FRMD4A: variants seen among roughly 807,000 people sequenced by gnomAD.
FRMD4A encodes the protein FERM domain-containing protein 4A.
In FRMD4A, 29 loss-of-function variants were observed where a neutral mutation model predicts 129.1. The observed-to-expected ratio is 0.22, with a 90% confidence interval of 0.17 to 0.31. FRMD4A has a LOEUF of 0.31. FRMD4A is among the 10% of genes least tolerant of loss of function. The probability of loss-of-function intolerance (pLI) is 1.00; values close to 1 mark genes in which losing one functional copy is unlikely to be tolerated. For missense variants in FRMD4A, 1,272 were observed against 1,375.8 expected, an observed-to-expected ratio of 0.92 and a Z score of 1.19; for synonymous variants, 634 against 571.6, an observed-to-expected ratio of 1.11 and a Z score of -1.56.
chr10:14,076,867 G>A (rs1341640774), intron 2 of FRMD4A, among the ~76,000 whole-genome samples: 3 of 152,194 alleles, frequency 2.0e-5, no homozygotes, highest in African/African-American at 7.2e-5. Flanking sequence ...CATGAGATGT[G>A]GTCCTTGTCC....
At chr10:14,188,297 G>A (rs1842210327) in intron 2 of FRMD4A, among the ~76,000 whole-genome samples, 1 of 152,122 alleles carries the variant, frequency 6.6e-6, no homozygotes, top group Non-Finnish European at 1.5e-5. Context: ...TCTTTGTGTG[G>A]TTTGGTTGCT....
At chr10:13,761,585 C>A (rs954820836) in intron 8 of FRMD4A, 62 bp downstream of exon 8, 11 of 1,198,176 alleles carry the variant, frequency 9.2e-6, no homozygotes, top group Non-Finnish European at 1.2e-5. Context: ...TGATTAGTTT[C>A]TTTTAATAGA....
chr10:14,219,887 G>C (rs779312370), intron 2 of FRMD4A, among the ~76,000 whole-genome samples: 1 of 152,154 alleles, frequency 6.6e-6, no homozygotes, highest in Non-Finnish European at 1.5e-5. Flanking sequence ...CTGAAACCCT[G>C]AACTACTTGC....
chr10:13,989,442 G>T (rs901414036), intron 2 of FRMD4A, among the ~76,000 whole-genome samples: 2 of 151,960 alleles, frequency 1.3e-5, no homozygotes, highest in Non-Finnish European at 2.9e-5. Flanking sequence ...TGCAACTTCC[G>T]CCTCCCGGGT....
intron 8 of FRMD4A, among the ~76,000 whole-genome samples, chr10:13,753,519 T>C (rs570567737): frequency 1.3e-5 from 2 of 151,858 alleles, no homozygotes; most frequent in South Asian, 4.2e-4. Flanking sequence ...TGCAAACACA[T>C]TGATGAAATA....
intron 2 of FRMD4A, among the ~76,000 whole-genome samples, chr10:14,073,368 C>T (rs1336077718): frequency 1.3e-5 from 2 of 152,080 alleles, no homozygotes; most frequent in Admixed American, 6.5e-5. Flanking sequence ...TGTTCTAGGT[C>T]ATGAAGAATT....
chr10:13,831,414 A>C (rs1317854604), intron 3 of FRMD4A, among the ~76,000 whole-genome samples: 1 of 152,150 alleles, frequency 6.6e-6, no homozygotes, highest in African/African-American at 2.4e-5. Flanking sequence ...GCACCACTGC[A>C]CTCTACCCTA....
chr10:14,322,741 G>A (rs1416189845), intron 2 of FRMD4A, among the ~76,000 whole-genome samples: 1 of 152,184 alleles, frequency 6.6e-6, no homozygotes, highest in Non-Finnish European at 1.5e-5. Context: ...TCTTGGTAGA[G>A]CATGTTTCCG....
At chr10:14,193,968 T>C (rs989417949) in intron 2 of FRMD4A, among the ~76,000 whole-genome samples, 1 of 152,204 alleles carries the variant, frequency 6.6e-6, no homozygotes, top group African/African-American at 2.4e-5. Context: ...GAAATTCCCT[T>C]TCTTTTTTAA....
intron 2 of FRMD4A, among the ~76,000 whole-genome samples, chr10:13,939,697 A>G (rs1328825183): frequency 1.3e-5 from 2 of 152,230 alleles, no homozygotes; most frequent in Non-Finnish European, 1.5e-5. Context: ...GCCAACAACA[A>G]CAAGAATAAT....
intron 2 of FRMD4A, among the ~76,000 whole-genome samples, chr10:14,088,193 T>G (rs1338831815): frequency 6.6e-6 from 1 of 152,052 alleles, no homozygotes; most frequent in Non-Finnish European, 1.5e-5. Context: ...AGGCCTGAAA[T>G]CCCAGCACTC....
intron 2 of FRMD4A, among the ~76,000 whole-genome samples, chr10:14,143,051 T>C (rs1164764589): frequency 6.6e-6 from 1 of 152,164 alleles, no homozygotes; most frequent in Admixed American, 6.5e-5. Context: ...GAATGCAACA[T>C]GGTGCAGCTG....
At chr10:13,833,597 G>C (rs2093824342) in intron 3 of FRMD4A, among the ~76,000 whole-genome samples, 1 of 152,064 alleles carries the variant, frequency 6.6e-6, no homozygotes, top group Non-Finnish European at 1.5e-5. Flanking sequence ...CTGACTGTGT[G>C]GCTTCAGGCA....
At chr10:13,856,380 T>C (rs895174233) in intron 3 of FRMD4A, among the ~76,000 whole-genome samples, 1 of 152,048 alleles carries the variant, frequency 6.6e-6, no homozygotes, top group African/African-American at 2.4e-5. Context: ...TTAGTGACAT[T>C]ATGTGCCTGA....
At chr10:14,054,013 AT>A (rs34258313) in intron 2 of FRMD4A, among the ~76,000 whole-genome samples, 2 of 151,816 alleles carry the variant, frequency 1.3e-5, no homozygotes, top group African/African-American at 2.4e-5. Context: ...TCCCTACAAA[AT>A]TTTTTTTTAA....
intron 2 of FRMD4A, among the ~76,000 whole-genome samples, chr10:14,100,350 C>T (rs1316936185): frequency 2.0e-5 from 3 of 152,130 alleles, no homozygotes; most frequent in East Asian, 1.9e-4. Flanking sequence ...TGGAAAAAAA[C>T]ACCTAGAAAA....
chr10:13,703,150 G>A (rs763386354), intron 13 of FRMD4A, among the ~76,000 whole-genome samples: 24 of 152,092 alleles, frequency 1.6e-4, no homozygotes, highest in Non-Finnish European at 2.6e-4. Context: ...ATCTTGAAAG[G>A]TGGTGCAAGG....
chr10:13,934,391 T>C (rs1460247405), intron 2 of FRMD4A, among the ~76,000 whole-genome samples: 1 of 152,210 alleles, frequency 6.6e-6, no homozygotes, highest in Non-Finnish European at 1.5e-5. Context: ...CTTCATTCAC[T>C]GAATTCTTGG....
intron 2 of FRMD4A, among the ~76,000 whole-genome samples, chr10:14,177,838 C>A (rs982442160): frequency 6.6e-6 from 1 of 152,108 alleles, no homozygotes; most frequent in African/African-American, 2.4e-5. Flanking sequence ...GCCATTTAGC[C>A]CCTGGAGCCT....
Sources: allele counts gnomAD v4.1 joint callset (sites outside exome capture counted in the v4.1 genomes callset), GRCh38; gene constraint gnomAD v4.1.1; transcripts MANE v1.5; gene names NCBI Gene and HGNC (gene_info 2026-07-23, HGNC 2026-07-21).